PGBD2: variants seen among roughly 807,000 people sequenced by gnomAD.
The protein encoded by PGBD2 is piggyBac transposable element derived 2.
A neutral mutation model predicts 8.1 loss-of-function variants in PGBD2; 6 were observed. That is an observed-to-expected ratio of 0.74 (90% CI 0.40 to 1.46). The LOEUF is 1.46. Among genes scored for constraint, PGBD2 ranks in the 40% most tolerant of loss-of-function variants. The pLI, the probability that PGBD2 is intolerant of heterozygous loss-of-function variation, is 0.02. For missense variants in PGBD2, 802 were observed against 739.0 expected (o/e 1.09, Z -0.99); for synonymous variants, 318 against 272.2 (o/e 1.17, Z -1.66).
intron 1 of PGBD2, among the ~76,000 whole-genome samples, chr1:248,908,115 C>T (rs1014385916): frequency 4.6e-5 from 7 of 152,144 alleles, no homozygotes; most frequent in South Asian, 2.1e-4. Flanking sequence ...AGGCCTTATT[C>T]GAATTTCTTT....
At chr1:248,919,825 T>G (rs1052157675), downstream of PGBD2, 17 of 166,474 alleles carry the variant, frequency 1.0e-4, no homozygotes, top group African/African-American at 4.1e-4. Context: ...ACTTGCATTT[T>G]TCTGTTGATC....
the PGBD2 span, among the ~76,000 whole-genome samples, chr1:248,876,469 C>A: frequency 6.6e-6 from 1 of 152,182 alleles, no homozygotes; most frequent in Non-Finnish European, 1.5e-5. Context: ...AGCAACGTAT[C>A]TTATTCCAGC....
At chr1:248,907,092 TATTG>T (rs542733185) in intron 1 of PGBD2, among the ~76,000 whole-genome samples, 186 of 152,278 alleles carry the variant, frequency 1.2e-3, no homozygotes, top group African/African-American at 4.4e-3. Flanking sequence ...CCTCAGTTTT[TATTG>T]ATTATTGTTT....
chr1:248,904,654 A>G (rs1572267957), upstream of PGBD2, among the ~76,000 whole-genome samples: 5 of 152,188 alleles, frequency 3.3e-5, no homozygotes, highest in East Asian at 9.6e-4. Flanking sequence ...GCCTCAGAGC[A>G]TTTGCACATG....
chr1:248,904,661 C>T (rs1661589216), upstream of PGBD2, among the ~76,000 whole-genome samples: 1 of 152,230 alleles, frequency 6.6e-6, no homozygotes, highest in Non-Finnish European at 1.5e-5. Context: ...AGCATTTGCA[C>T]ATGCCATTCT....
the PGBD2 span, among the ~76,000 whole-genome samples, chr1:248,883,513 T>A: frequency 6.6e-6 from 1 of 151,922 alleles, no homozygotes; most frequent in East Asian, 1.9e-4. Flanking sequence ...TAGGCCTTTT[T>A]CAGATGTATA....
At chr1:248,889,382 C>T in the PGBD2 span, among the ~76,000 whole-genome samples, 3 of 151,638 alleles carry the variant, frequency 2.0e-5, no homozygotes, top group Admixed American at 2.0e-4. Context: ...GAGACTTCTC[C>T]GTCTCAAAAA....
chr1:248,917,855 A>G lies in PGBD2; in HGVS notation c.1271A>G (p.Asn424Ser), dbSNP rs752214406. The G allele has an allele frequency of 1.9e-6, 3 of 1,614,222 alleles. No individual in the cohort carries two copies. The highest frequency in any genetic ancestry group is 1.7e-5 in the Admixed American group (1 of 60,026). ...AGCAGCGTGGTCAACATTTGCTCCAATGCTGTGGGCATAGAGCCAGTGAGG... is the reference window on the plus strand; with the variant it reads ...AGCAGCGTGGTCAACATTTGCTCCAGTGCTGTGGGCATAGAGCCAGTGAGG... ...HDSSVVNICSNAVGIEPVRLT... is the reference protein window; with the variant it reads ...HDSSVVNICSSAVGIEPVRLT... The change falls in exon 3 of 3, where the codon AAT becomes AGT. Residue 424 changes from asparagine to serine, a missense_variant. Coordinates refer to ENST00000329291, the MANE Select transcript of PGBD2 (RefSeq NM_170725.3).
the PGBD2 span, among the ~76,000 whole-genome samples, chr1:248,892,620 T>A: frequency 1.5e-3 from 221 of 152,330 alleles, 3 homozygotes; most frequent in African/African-American, 5.1e-3. Context: ...TCCTTTGGCA[T>A]AATATATTTA....
chr1:248,910,633 C>T (rs1221204049), intron 1 of PGBD2, among the ~76,000 whole-genome samples: 2 of 152,158 alleles, frequency 1.3e-5, no homozygotes, highest in African/African-American at 4.8e-5. Flanking sequence ...TCTTCTGCAC[C>T]TCACACACCT....
At chr1:248,883,750 C>T in the PGBD2 span, among the ~76,000 whole-genome samples, 37 of 151,824 alleles carry the variant, frequency 2.4e-4, no homozygotes, top group South Asian at 7.1e-3. Flanking sequence ...GCGCCCGCCA[C>T]GATGCCCAGC....
At chr1:248,922,310 C>T (rs1381368578), downstream of PGBD2, among the ~76,000 whole-genome samples, 3 of 152,136 alleles carry the variant, frequency 2.0e-5, no homozygotes, top group Admixed American at 6.5e-5. Flanking sequence ...CCACCAGCCT[C>T]GGCCTCCCAA....
At chr1:248,930,171 A>G in the PGBD2 span, among the ~76,000 whole-genome samples, 1 of 152,190 alleles carries the variant, frequency 6.6e-6, no homozygotes, top group South Asian at 2.1e-4. Context: ...GCTGCTCAGC[A>G]TCATAGCGTG....
intron 1 of PGBD2, among the ~76,000 whole-genome samples, chr1:248,907,965 AT>A (rs1661721268): frequency 6.6e-6 from 1 of 152,102 alleles, no homozygotes; most frequent in African/African-American, 2.4e-5. Flanking sequence ...CTTTTGAATA[AT>A]TTTTATCTTG....
the PGBD2 span, among the ~76,000 whole-genome samples, chr1:248,872,881 C>G: frequency 6.6e-6 from 1 of 152,240 alleles, no homozygotes; most frequent in East Asian, 1.9e-4. Flanking sequence ...CCGCGCCCGG[C>G]TGCATGACAT....
upstream of PGBD2, among the ~76,000 whole-genome samples, chr1:248,901,627 C>A (rs1299483524): frequency 6.6e-6 from 1 of 152,112 alleles, no homozygotes; most frequent in Non-Finnish European, 1.5e-5. Context: ...AAATCCAAAA[C>A]TATAAAAACC....
intron 2 of PGBD2, among the ~76,000 whole-genome samples, chr1:248,915,683 G>A (rs1363218202): frequency 6.6e-6 from 1 of 152,200 alleles, no homozygotes; most frequent in African/African-American, 2.4e-5. Context: ...AGAGTGTCAG[G>A]AGTTTCCATG....
upstream of PGBD2, among the ~76,000 whole-genome samples, chr1:248,903,426 C>T (rs887403841): frequency 3.9e-5 from 6 of 152,130 alleles, no homozygotes; most frequent in East Asian, 3.8e-4. Context: ...TGGCCTCAGG[C>T]GATTCTCCCA....
upstream of PGBD2, among the ~76,000 whole-genome samples, chr1:248,903,688 G>T (rs191217992): frequency 6.6e-6 from 1 of 152,270 alleles, no homozygotes; most frequent in South Asian, 2.1e-4. Context: ...TTGGCATCTG[G>T]TTCTTTCTTC....
Sources: allele counts gnomAD v4.1 joint callset (sites outside exome capture counted in the v4.1 genomes callset), GRCh38; gene constraint gnomAD v4.1.1; transcripts MANE v1.5; gene names NCBI Gene and HGNC (gene_info 2026-07-23, HGNC 2026-07-21).